The following PLXNC1 variants were observed in gnomAD, a reference collection of about 807,000 sequenced individuals.
PLXNC1 encodes plexin C1.
In PLXNC1, 75 loss-of-function variants were observed where a neutral mutation model predicts 178.2. The ratio of observed to expected loss-of-function variants is 0.42; its 90% CI spans 0.35 to 0.51. The LOEUF is 0.51. Among genes scored for constraint, PLXNC1 ranks in the 20% least tolerant of loss-of-function variants. The pLI is 0.02. For missense variants in PLXNC1, 1,503 were observed against 1,984.4 expected, an observed-to-expected ratio of 0.76 and a Z score of 4.61; for synonymous variants, 790 against 779.9, an observed-to-expected ratio of 1.01 and a Z score of -0.22.
intron 23 of PLXNC1, among the ~76,000 whole-genome samples, chr12:94,283,455 G>A (rs941043704): frequency 1.3e-5 from 2 of 152,216 alleles, no homozygotes; most frequent in African/African-American, 4.8e-5. Context: ...GCATGTCCCT[G>A]TAATGTAACT....
intron 5 of PLXNC1, among the ~76,000 whole-genome samples, chr12:94,216,737 T>A (rs760442901): frequency 4.6e-5 from 7 of 152,196 alleles, no homozygotes; most frequent in Non-Finnish European, 1.0e-4. Flanking sequence ...TGTTTAGCAA[T>A]AACGAATGAT....
At chr12:94,191,600 AT>A in intron 4 of PLXNC1, among the ~76,000 whole-genome samples, 1 of 152,080 alleles carries the variant, frequency 6.6e-6, no homozygotes, top group Non-Finnish European at 1.5e-5. Context: ...CCTGGCCAAC[AT>A]GGTGAAACCC....
chr12:94,303,919 A>C (rs1301347511), intron 29 of PLXNC1, 23 bp downstream of exon 29: 1 of 1,607,566 alleles, frequency 6.2e-7, no homozygotes, highest in Non-Finnish European at 8.5e-7. Flanking sequence ...AGCAGAAATA[A>C]GCTTATATTT....
intron 4 of PLXNC1, among the ~76,000 whole-genome samples, chr12:94,203,605 A>G (rs1963207181): frequency 6.6e-6 from 1 of 152,204 alleles, no homozygotes; most frequent in South Asian, 2.1e-4. Context: ...TAGGTGTAGT[A>G]GTAAGAGATA....
intron 5 of PLXNC1, among the ~76,000 whole-genome samples, chr12:94,212,599 G>C (rs1397499663): frequency 1.3e-5 from 2 of 152,004 alleles, no homozygotes; most frequent in Non-Finnish European, 2.9e-5. Context: ...CTTTGTGATA[G>C]TTTGCTGAGA....
At chr12:94,181,896 C>T (rs1179607905) in intron 3 of PLXNC1, among the ~76,000 whole-genome samples, 3 of 152,022 alleles carry the variant, frequency 2.0e-5, no homozygotes, top group Non-Finnish European at 2.9e-5. Flanking sequence ...ATTGTGTGGG[C>T]ACTGAACGGT....
At chr12:94,240,055 G>A (rs554636439) in intron 10 of PLXNC1, among the ~76,000 whole-genome samples, 6 of 152,060 alleles carry the variant, frequency 3.9e-5, no homozygotes, top group African/African-American at 1.4e-4. Flanking sequence ...GGGATTTTTG[G>A]GGGGGCATGA....
chr12:94,303,722 G>GTGAT (rs765309104), intron 28 of PLXNC1, 34 bp from the exon 29 acceptor site: 2 of 1,210,292 alleles, frequency 1.7e-6, no homozygotes, highest in Non-Finnish European at 1.1e-6. Context: ...TACTCTTTTG[G>GTGAT]TGATGGTTGC....
At chr12:94,291,408 G>C (rs895482422) in intron 23 of PLXNC1, among the ~76,000 whole-genome samples, 1 of 152,098 alleles carries the variant, frequency 6.6e-6, no homozygotes, top group Non-Finnish European at 1.5e-5. Flanking sequence ...TTGTTTGTTT[G>C]TTTTGAGGAG....
chr12:94,235,787 T>C (rs991160595), intron 9 of PLXNC1, among the ~76,000 whole-genome samples: 4 of 152,196 alleles, frequency 2.6e-5, no homozygotes, highest in African/African-American at 9.7e-5. Context: ...TCATGAAATA[T>C]TATTCTTCTT....
chr12:94,193,942 ACTGCTATAATGAAATAC>A (rs1962819042), intron 4 of PLXNC1, among the ~76,000 whole-genome samples: 1 of 152,186 alleles, frequency 6.6e-6, no homozygotes. Flanking sequence ...CTGTTTTTGC[ACTGCTATAATGAAATAC>A]CTGAGACTGG....
intron 4 of PLXNC1, among the ~76,000 whole-genome samples, chr12:94,207,943 C>T (rs1231428333): frequency 1.3e-5 from 2 of 151,732 alleles, no homozygotes; most frequent in Non-Finnish European, 2.9e-5. Flanking sequence ...TTCTTATAGG[C>T]AGAGGAAGTG....
intron 21 of PLXNC1, among the ~76,000 whole-genome samples, chr12:94,271,268 A>C (rs528929615): frequency 6.6e-6 from 1 of 152,342 alleles, no homozygotes; most frequent in African/African-American, 2.4e-5. Context: ...TCTAGGCATT[A>C]TAAGGTATCA....
At chr12:94,252,446 T>G (rs7979820) in intron 15 of PLXNC1, among the ~76,000 whole-genome samples, 87,822 of 151,982 alleles carry the variant, frequency 0.58, 25,703 homozygotes, top group East Asian at 0.76. Flanking sequence ...AGTAAATGAT[T>G]TTTTTTAATA....
intron 28 of PLXNC1, among the ~76,000 whole-genome samples, chr12:94,302,118 C>T (rs560381506): frequency 6.6e-6 from 1 of 152,292 alleles, no homozygotes; most frequent in East Asian, 1.9e-4. Context: ...TGTCAGTCTG[C>T]TTCTTAAAAA....
chr12:94,206,046 C>T (rs1963288491), intron 4 of PLXNC1, among the ~76,000 whole-genome samples: 1 of 152,336 alleles, frequency 6.6e-6, no homozygotes, highest in Non-Finnish European at 1.5e-5. Context: ...TGCAAACACT[C>T]CCATCAGTGC....
intron 4 of PLXNC1, among the ~76,000 whole-genome samples, chr12:94,196,528 G>A (rs1194447351): frequency 6.6e-6 from 1 of 152,156 alleles, no homozygotes; most frequent in Non-Finnish European, 1.5e-5. Flanking sequence ...GTAAAATCAT[G>A]AGCCAATTAA....
chr12:94,160,653 A>G (rs1961351471), intron 1 of PLXNC1, among the ~76,000 whole-genome samples: 1 of 152,162 alleles, frequency 6.6e-6, no homozygotes, highest in Non-Finnish European at 1.5e-5. Context: ...TGTAGGTGTA[A>G]CCTAGTGTCA....
chr12:94,254,703 T>C, intron 15 of PLXNC1, 84 bp from the exon 16 acceptor site: 1 of 927,640 alleles, frequency 1.1e-6, no homozygotes, highest in Non-Finnish European at 1.7e-6. Context: ...TTTTTGTTTT[T>C]AAGAACTGTA....
Sources: allele counts gnomAD v4.1 joint callset (sites outside exome capture counted in the v4.1 genomes callset), GRCh38; gene constraint gnomAD v4.1.1; transcripts MANE v1.5; gene names NCBI Gene and HGNC (gene_info 2026-07-23, HGNC 2026-07-21).